The following CDH12 variants were observed in gnomAD, a reference collection of about 807,000 sequenced individuals.
The protein encoded by CDH12 is cadherin-12.
A neutral mutation model predicts 74.1 loss-of-function variants in CDH12; 41 were observed. The observed-to-expected ratio is 0.55, with a 90% CI of 0.43 to 0.72. The LOEUF is 0.72. Ranked by LOEUF, CDH12 falls within the 30% of genes least tolerant of loss-of-function variation. The pLI, the probability that CDH12 is intolerant of heterozygous loss-of-function variation, is 0.00. For missense variants in CDH12, 945 were observed against 977.2 expected, an observed-to-expected ratio of 0.97 and a Z score of 0.44; for synonymous variants, 399 against 355.0, an observed-to-expected ratio of 1.12 and a Z score of -1.39.
At chr5:22,633,016 C>A (rs1022084881) in intron 1 of CDH12, among the ~76,000 whole-genome samples, 17 of 152,098 alleles carry the variant, frequency 1.1e-4, no homozygotes, top group African/African-American at 2.4e-5. Flanking sequence ...AGCTGACTTT[C>A]CATCAGAAAC....
At chr5:21,927,828 G>A (rs563090064) in intron 6 of CDH12, among the ~76,000 whole-genome samples, 3 of 152,080 alleles carry the variant, frequency 2.0e-5, no homozygotes, top group Non-Finnish European at 4.4e-5. Context: ...CCAGCACTTT[G>A]GGAGGCCGAG....
intron 1 of CDH12, among the ~76,000 whole-genome samples, chr5:22,535,479 T>C (rs940993801): frequency 2.6e-5 from 4 of 152,144 alleles, no homozygotes; most frequent in Admixed American, 6.5e-5. Context: ...TTATCTGTCA[T>C]ACATTTGATG....
intron 10 of CDH12, among the ~76,000 whole-genome samples, chr5:21,796,948 T>C (rs1003539190): frequency 6.6e-6 from 1 of 152,126 alleles, no homozygotes; most frequent in African/African-American, 2.4e-5. Context: ...TTCTGTGAAC[T>C]ATATAATAGC....
At chr5:22,526,352 A>G (rs568392282) in intron 1 of CDH12, among the ~76,000 whole-genome samples, 1 of 152,340 alleles carries the variant, frequency 6.6e-6, no homozygotes, top group South Asian at 2.1e-4. Context: ...CAGAAGGGAA[A>G]GGTGATCAAT....
chr5:22,780,303 T>C (rs1747321430), intron 1 of CDH12, among the ~76,000 whole-genome samples: 1 of 151,796 alleles, frequency 6.6e-6, no homozygotes, highest in Admixed American at 6.6e-5. Flanking sequence ...AGATGGGAGG[T>C]TTGCTTGAGT....
At chr5:22,562,566 G>A (rs1206560180) in intron 1 of CDH12, among the ~76,000 whole-genome samples, 5 of 151,218 alleles carry the variant, frequency 3.3e-5, no homozygotes, top group African/African-American at 1.2e-4. Context: ...CAGCTTTCTT[G>A]AAATTGAAAA....
At chr5:22,773,408 AACTCT>A (rs1237925588) in intron 1 of CDH12, among the ~76,000 whole-genome samples, 1 of 152,002 alleles carries the variant, frequency 6.6e-6, no homozygotes, top group Non-Finnish European at 1.5e-5. Flanking sequence ...AGTGGGAAAA[AACTCT>A]ATTCAATAGA....
intron 1 of CDH12, among the ~76,000 whole-genome samples, chr5:22,683,325 G>A (rs1741592465): frequency 1.3e-5 from 2 of 152,114 alleles, no homozygotes. Flanking sequence ...ACAGTGATTT[G>A]TAGCTAAATC....
intron 1 of CDH12, among the ~76,000 whole-genome samples, chr5:22,691,176 A>C (rs1388006747): frequency 2.6e-5 from 4 of 152,224 alleles, no homozygotes; most frequent in Non-Finnish European, 5.9e-5. Context: ...AAGCAGAAAT[A>C]TAAAACTATA....
chr5:22,120,201 G>A (rs1311848807), intron 4 of CDH12, among the ~76,000 whole-genome samples: 1 of 152,064 alleles, frequency 6.6e-6, no homozygotes, highest in Non-Finnish European at 1.5e-5. Flanking sequence ...TGTTTTTATT[G>A]AGTATCATCA....
At chr5:22,384,369 A>C (rs1369535133) in intron 3 of CDH12, among the ~76,000 whole-genome samples, 1 of 150,044 alleles carries the variant, frequency 6.7e-6, no homozygotes, top group Non-Finnish European at 1.5e-5. Flanking sequence ...CTAAAAATAC[A>C]AAAAAAATTA....
intron 1 of CDH12, among the ~76,000 whole-genome samples, chr5:22,826,583 G>T (rs538226279): frequency 3.3e-5 from 5 of 152,218 alleles, no homozygotes; most frequent in Non-Finnish European, 4.4e-5. Context: ...TTGTTGAAAG[G>T]CTTTGACACA....
intron 3 of CDH12, among the ~76,000 whole-genome samples, chr5:22,383,441 G>T (rs772744830): frequency 6.6e-6 from 1 of 152,124 alleles, no homozygotes; most frequent in Non-Finnish European, 1.5e-5. Flanking sequence ...ACATGGGGAA[G>T]GTCCTATTGC....
chr5:22,046,668 C>A (rs1739981182), intron 5 of CDH12, among the ~76,000 whole-genome samples: 1 of 152,034 alleles, frequency 6.6e-6, no homozygotes, highest in Admixed American at 6.6e-5. Flanking sequence ...GATACAGTGA[C>A]ACATGGTTGA....
At chr5:22,410,384 C>G (rs1480885064) in intron 2 of CDH12, among the ~76,000 whole-genome samples, 1 of 152,208 alleles carries the variant, frequency 6.6e-6, no homozygotes, top group East Asian at 1.9e-4. Context: ...GGTCATAAGA[C>G]TTCCATTCCA....
chr5:22,769,778 ATAG>A (rs144870729), intron 1 of CDH12, among the ~76,000 whole-genome samples: 5,244 of 152,042 alleles, frequency 0.034, 273 homozygotes, highest in East Asian at 0.17. Context: ...AACAATACAA[ATAG>A]TATTTTCTTA....
intron 4 of CDH12, among the ~76,000 whole-genome samples, chr5:22,133,137 A>C (rs1746266984): frequency 6.6e-6 from 1 of 152,146 alleles, no homozygotes; most frequent in African/African-American, 2.4e-5. Flanking sequence ...AGATTCATTG[A>C]AACATTCTCA....
intron 10 of CDH12, among the ~76,000 whole-genome samples, chr5:21,788,417 T>C (rs1420779815): frequency 6.6e-6 from 1 of 151,964 alleles, no homozygotes; most frequent in African/African-American, 2.4e-5. Context: ...TCAGAATTAC[T>C]ATAGAAAACT....
At chr5:22,813,846 C>G (rs752614366) in intron 1 of CDH12, among the ~76,000 whole-genome samples, 5 of 152,138 alleles carry the variant, frequency 3.3e-5, no homozygotes, top group Non-Finnish European at 5.9e-5. Flanking sequence ...AAATGAAGCT[C>G]TCACCAATAT....
Sources: allele counts gnomAD v4.1 joint callset (sites outside exome capture counted in the v4.1 genomes callset), GRCh38; gene constraint gnomAD v4.1.1; transcripts MANE v1.5; gene names NCBI Gene and HGNC (gene_info 2026-07-23, HGNC 2026-07-21).